The following ABCG1 variants were observed in gnomAD, a reference collection of about 807,000 sequenced individuals.
ABCG1 encodes ATP binding cassette subfamily G member 1, also known as ATP-binding cassette sub-family G member 1.
In ABCG1, 29 loss-of-function variants were observed where a neutral mutation model predicts 69.2. That is an observed-to-expected ratio of 0.42 (90% CI 0.31 to 0.57). The LOEUF (loss-of-function observed/expected upper bound fraction) is 0.57, where lower values mean the gene tolerates loss of function less well. Among genes scored for constraint, ABCG1 ranks in the 20% least tolerant of loss-of-function variants. The pLI is 0.15. For missense variants in ABCG1, 718 were observed against 898.1 expected (o/e 0.80, Z 2.56); for synonymous variants, 370 against 374.8 (o/e 0.99, Z 0.15).
chr21:42,244,536 C>T (rs112205867), intron 2 of ABCG1, among the ~76,000 whole-genome samples: 4,292 of 152,346 alleles, frequency 0.028, 121 homozygotes, highest in Middle Eastern at 0.054. Flanking sequence ...AATTTACAGT[C>T]TTGTCTTACT....
chr21:42,296,081 G>A lies in ABCG1; in HGVS notation c.1773-83G>A, dbSNP rs1293027288. ...AGGATAGCCAAGCTGGGAATCGCAG[G>A]GAGGGTGAACGACATTGACCTTCAG... On this transcript the variant is annotated intron_variant, in intron 14 of 14. Coordinates refer to ENST00000398449, the MANE Select transcript of ABCG1 (RefSeq NM_016818.3). The surrounding 1 kb of genome is among the most constrained non-coding windows in gnomAD (Gnocchi z 5.4). 1.2e-5 allele frequency: 14 copies of A among 1,187,598 alleles called. No individual in the cohort carries two copies. The highest frequency in any genetic ancestry group is 7.5e-5 in the South Asian group (6 of 80,144). 73.6% of individuals were successfully genotyped at this position (1,187,598 alleles called of 1,614,324 possible).
At chr21:42,231,567 A>G (rs550181165) in intron 2 of ABCG1, among the ~76,000 whole-genome samples, 1 of 152,352 alleles carries the variant, frequency 6.6e-6, no homozygotes, top group Admixed American at 6.5e-5. Context: ...GCCTGTAATG[A>G]CAGGCCAGCT....
chr21:42,234,923 C>T (rs1226208666), intron 2 of ABCG1, among the ~76,000 whole-genome samples: 2 of 151,882 alleles, frequency 1.3e-5, no homozygotes, highest in Non-Finnish European at 2.9e-5. Context: ...GTAACCTCCG[C>T]GGCGGAGCGG....
intron 2 of ABCG1, among the ~76,000 whole-genome samples, chr21:42,237,094 C>T (rs1474792909): frequency 6.6e-6 from 1 of 152,200 alleles, no homozygotes; most frequent in African/African-American, 2.4e-5. Flanking sequence ...CTGCCCAAAC[C>T]CAGCAGCCTT....
intron 1 of ABCG1, among the ~76,000 whole-genome samples, chr21:42,224,136 A>C (rs1409670018): frequency 6.6e-6 from 1 of 152,200 alleles, no homozygotes; most frequent in Non-Finnish European, 1.5e-5. Context: ...TGGGGATGGA[A>C]ATGGACACAG....
At position 42,285,871 on chromosome 21, in the gene ABCG1, T is replaced by C; in HGVS notation, c.859-9T>C. On this transcript the variant is annotated splice_polypyrimidine_tract_variant and intron_variant, in intron 7 of 14. Coordinates refer to ENST00000398449, the MANE Select transcript of ABCG1 (RefSeq NM_016818.3). The stretch of plus-strand genomic sequence containing the variant: ...GGCTTGATCCCTTTTTCTCCTTCCT[T>C]TTTTCCAGCTTTACGTCCTGAGTCA... The C allele has an allele frequency of 6.2e-7, 1 of 1,606,842 alleles. No homozygotes were observed. Among genetic ancestry groups the C allele is most frequent in the Non-Finnish European group, 8.5e-7 (1 of 1,173,530 alleles).
At chr21:42,289,183 C>T (rs1408405002) in intron 10 of ABCG1, among the ~76,000 whole-genome samples, 3 of 152,162 alleles carry the variant, frequency 2.0e-5, no homozygotes, top group East Asian at 1.9e-4. Context: ...CCATAATGTA[C>T]GTGTCTCCCT....
chr21:42,219,990 C>A lies in ABCG1; in HGVS notation c.42+686C>A. 1 of 1,553,222 alleles carries A rather than the reference C, an allele frequency of 6.4e-7. No individual in the cohort carries two copies. The highest frequency in any genetic ancestry group is 8.7e-7 in the Non-Finnish European group (1 of 1,147,742). On this transcript the variant is annotated intron_variant, in intron 1 of 14. Coordinates refer to ENST00000398449, the MANE Select transcript of ABCG1 (RefSeq NM_016818.3). The surrounding 1 kb of genome is among the most constrained non-coding windows in gnomAD (Gnocchi z 5.3). ...GACAGGGATGCGCATTTCACTTCCCCGAGCTCCGGAGAGGGATGGCGGGGT... is the reference window on the plus strand; with the variant it reads ...GACAGGGATGCGCATTTCACTTCCCAGAGCTCCGGAGAGGGATGGCGGGGT...
intron 2 of ABCG1, among the ~76,000 whole-genome samples, chr21:42,248,800 G>A (rs993804205): frequency 1.3e-5 from 2 of 151,700 alleles, no homozygotes; most frequent in East Asian, 3.9e-4. Context: ...CCAGTTACTT[G>A]GGGGGCTGAG....
chr21:42,278,661 G>C (rs2068752112), intron 5 of ABCG1, among the ~76,000 whole-genome samples: 1 of 152,204 alleles, frequency 6.6e-6, no homozygotes, highest in African/African-American at 2.4e-5. Context: ...ATTGAGGCGG[G>C]AGTTTCTGTT....
At position 42,291,433 on chromosome 21, in the gene ABCG1, C is replaced by T; in HGVS notation, c.1495-65C>T. The T allele has an allele frequency of 6.4e-7, 1 of 1,563,514 alleles. No homozygotes were observed. Among genetic ancestry groups the T allele is most frequent in the South Asian group, 1.2e-5 (1 of 83,908 alleles). ...CGGGGAAGGGCTGGCTGCCCAGGAGCTTTGCTGTTGGCCTGCTGTGGTGGG... is the reference window on the plus strand; with the variant it reads ...CGGGGAAGGGCTGGCTGCCCAGGAGTTTTGCTGTTGGCCTGCTGTGGTGGG... On this transcript the variant is annotated intron_variant, in intron 12 of 14. Coordinates refer to ENST00000398449, the MANE Select transcript of ABCG1 (RefSeq NM_016818.3). This position sits in a 1 kb window ranked among gnomAD's most constrained non-coding sequence, Gnocchi z 6.4.
At chr21:42,277,166 C>T (rs1270434733) in intron 5 of ABCG1, among the ~76,000 whole-genome samples, 1 of 152,164 alleles carries the variant, frequency 6.6e-6, no homozygotes, top group African/African-American at 2.4e-5. Flanking sequence ...GGCTTTGATT[C>T]TCAGATTCAG....
chr21:42,261,663 C>T (rs906393431), intron 2 of ABCG1, among the ~76,000 whole-genome samples: 1 of 152,180 alleles, frequency 6.6e-6, no homozygotes, highest in African/African-American at 2.4e-5. Flanking sequence ...CTGGCCCGGC[C>T]CCCTCGGGAA....
intron 2 of ABCG1, among the ~76,000 whole-genome samples, chr21:42,267,741 C>T (rs370550309): frequency 1.7e-4 from 9 of 54,298 alleles, no homozygotes; most frequent in South Asian, 5.9e-4. Context: ...GGTTCTGTCT[C>T]GGTGTGGTCT....
chr21:42,200,594 C>T (rs1281072885), intron 1 of ABCG1, among the ~76,000 whole-genome samples: 1 of 125,336 alleles, frequency 8.0e-6, no homozygotes, highest in Non-Finnish European at 1.6e-5. Flanking sequence ...TTTTATGTTG[C>T]ACTTTTTTTT....
intron 5 of ABCG1, 49 bp from the exon 6 acceptor site, chr21:42,282,225 G>A (rs1317322083): frequency 6.3e-7 from 1 of 1,589,688 alleles, no homozygotes; most frequent in African/African-American, 1.3e-5. Flanking sequence ...ATGGGAGGTG[G>A]TGAGCTTTGG....
At chr21:42,281,583 G>T (rs1350603171) in intron 5 of ABCG1, among the ~76,000 whole-genome samples, 1 of 152,168 alleles carries the variant, frequency 6.6e-6, no homozygotes, top group Non-Finnish European at 1.5e-5. Context: ...TGACTGCTTT[G>T]AGGGGTACTG....
intron 13 of ABCG1, among the ~76,000 whole-genome samples, chr21:42,293,328 A>ACATG (rs2069124077): frequency 7.1e-6 from 1 of 141,722 alleles, no homozygotes; most frequent in African/African-American, 2.7e-5. Context: ...TACACACTAC[A>ACATG]CACCACACTA....
chr21:42,261,209 C>T (rs1404250709), intron 2 of ABCG1, among the ~76,000 whole-genome samples: 3 of 151,450 alleles, frequency 2.0e-5, no homozygotes, highest in Admixed American at 2.0e-4. Flanking sequence ...CTCCACCACC[C>T]CCCCTCTCCC....
Sources: allele counts gnomAD v4.1 joint callset (sites outside exome capture counted in the v4.1 genomes callset), GRCh38; gene constraint gnomAD v4.1.1; non-coding constraint Gnocchi (gnomAD v3.1); transcripts MANE v1.5; gene names NCBI Gene and HGNC (gene_info 2026-07-23, HGNC 2026-07-21).